The following RIMS1 variants were observed in gnomAD, a reference collection of about 807,000 sequenced individuals.
The protein encoded by RIMS1 is regulating synaptic membrane exocytosis 1.
Under a neutral mutation model 214.1 loss-of-function variants are expected in RIMS1, and 83 were observed. The ratio of observed to expected loss-of-function variants is 0.39; its 90% CI spans 0.32 to 0.47. RIMS1 has a LOEUF of 0.47. Ranked by LOEUF, RIMS1 falls within the 20% of genes least tolerant of loss-of-function variation. The probability of loss-of-function intolerance (pLI) is 0.99; values close to 1 mark genes in which losing one functional copy is unlikely to be tolerated. For missense variants in RIMS1, 2,050 were observed against 2,161.8 expected (o/e 0.95, Z 1.03); for synonymous variants, 793 against 786.8 (o/e 1.01, Z -0.13).
intron 4 of RIMS1, among the ~76,000 whole-genome samples, chr6:72,120,838 A>T (rs900400604): frequency 6.6e-6 from 1 of 151,932 alleles, no homozygotes; most frequent in African/African-American, 2.4e-5. Flanking sequence ...ATAAGGTTTA[A>T]GGAAGGGATG....
At chr6:72,228,313 C>A (rs1392749960) in intron 6 of RIMS1, among the ~76,000 whole-genome samples, 1 of 151,826 alleles carries the variant, frequency 6.6e-6, no homozygotes, top group Non-Finnish European at 1.5e-5. Context: ...CCCCGTTTCC[C>A]CTGTTCCCCA....
At chr6:72,128,249 A>G (rs759985298) in intron 4 of RIMS1, among the ~76,000 whole-genome samples, 4 of 152,162 alleles carry the variant, frequency 2.6e-5, no homozygotes, top group Non-Finnish European at 5.9e-5. Context: ...CTTAAAAAAG[A>G]TGTACATACA....
intron 17 of RIMS1, 117 bp from the exon 18 acceptor site, chr6:72,258,869 T>C: frequency 1.0e-6 from 1 of 976,384 alleles, no homozygotes; most frequent in South Asian, 1.4e-5. Context: ...TTGATTATGA[T>C]GCAAATACTT....
At chr6:71,929,717 A>C (rs1782507406) in intron 1 of RIMS1, among the ~76,000 whole-genome samples, 5 of 152,012 alleles carry the variant, frequency 3.3e-5, no homozygotes, top group South Asian at 2.1e-4. Context: ...AATTATAAAA[A>C]AACATTTTTC....
intron 4 of RIMS1, among the ~76,000 whole-genome samples, chr6:72,108,918 T>C (rs1053245402): frequency 6.8e-6 from 1 of 146,522 alleles, no homozygotes; most frequent in African/African-American, 2.5e-5. Context: ...TTCTCATTGT[T>C]CAGTTCCTAC....
At chr6:72,088,889 A>G (rs140104397) in intron 2 of RIMS1, among the ~76,000 whole-genome samples, 2 of 151,820 alleles carry the variant, frequency 1.3e-5, no homozygotes, top group East Asian at 3.9e-4. Context: ...GATGAAGAAA[A>G]AGAAAGGGAG....
rs377515304 is a variant in RIMS1, at chr6:72,202,277, C to G, written c.1678+19128C>G. 5.3e-5 allele frequency among the ~76,000 whole-genome samples: 8 copies of G among 152,272 alleles called. No homozygotes were observed. The East Asian group carries it at 1.5e-3, about 29-fold the overall frequency. On this transcript the variant is annotated intron_variant, in intron 6 of 33. Transcript: ENST00000521978. ...AACAGGAATTTATTTTCTCATAGTT[C>G]TGGAGGCTGGAAGTCTGAGATCAGG...
rs2098830851 is a variant in RIMS1, at chr6:72,400,798, G to C, written c.*84G>C. The C allele has an allele frequency of 9.1e-7, 1 of 1,104,876 alleles. No homozygotes were observed. Among genetic ancestry groups the C allele is most frequent in the Non-Finnish European group, 1.3e-6 (1 of 758,874 alleles). 68.4% of individuals were successfully genotyped at this position (1,104,876 alleles called of 1,614,324 possible). ...CAGATATTTCATGATCGAAAGCATTGTTGGAGACAGACAATCAACTTGTGT... is the reference window on the plus strand; with the variant it reads ...CAGATATTTCATGATCGAAAGCATTCTTGGAGACAGACAATCAACTTGTGT... On this transcript the variant is annotated 3_prime_UTR_variant, in exon 34 of 34. Coordinates refer to ENST00000521978, the MANE Select transcript of RIMS1 (RefSeq NM_014989.7).
intron 26 of RIMS1, among the ~76,000 whole-genome samples, chr6:72,297,492 C>T (rs1474315198): frequency 6.6e-6 from 1 of 151,926 alleles, no homozygotes; most frequent in Non-Finnish European, 1.5e-5. Context: ...TAAAACAAAA[C>T]AAAATCCATA....
chr6:71,982,847 G>C (rs1798842349), intron 2 of RIMS1, among the ~76,000 whole-genome samples: 2 of 151,990 alleles, frequency 1.3e-5, no homozygotes, highest in Admixed American at 1.3e-4. Context: ...CTCTCTGAAG[G>C]CCTTTAGGTC....
At chr6:72,312,296 A>T (rs910896724) in intron 27 of RIMS1, among the ~76,000 whole-genome samples, 7 of 152,130 alleles carry the variant, frequency 4.6e-5, no homozygotes, top group Non-Finnish European at 2.9e-5. Flanking sequence ...ACAAACACCC[A>T]TATGTTATTT....
chr6:72,096,183 A>G (rs2031589444), intron 2 of RIMS1, among the ~76,000 whole-genome samples: 1 of 152,226 alleles, frequency 6.6e-6, no homozygotes, highest in African/African-American at 2.4e-5. Flanking sequence ...GGTTGCTAGC[A>G]AGCTTCATAC....
intron 7 of RIMS1, among the ~76,000 whole-genome samples, chr6:72,234,800 C>T (rs1196884854): frequency 1.3e-5 from 2 of 151,956 alleles, no homozygotes; most frequent in African/African-American, 4.8e-5. Context: ...TCCAGAATGT[C>T]ACATGGTTAG....
chr6:72,378,182 A>T (rs1383135909), intron 29 of RIMS1, among the ~76,000 whole-genome samples: 1 of 152,200 alleles, frequency 6.6e-6, no homozygotes, highest in African/African-American at 2.4e-5. Context: ...CATATGCCAC[A>T]TCTCTCCTAG....
chr6:71,969,556 C>A (rs536532808), intron 2 of RIMS1, among the ~76,000 whole-genome samples: 11 of 152,244 alleles, frequency 7.2e-5, no homozygotes, highest in African/African-American at 2.4e-4. Context: ...TGCCCGTAAT[C>A]CCAGCACTTT....
intron 4 of RIMS1, among the ~76,000 whole-genome samples, chr6:72,171,799 G>C (rs1319409011): frequency 6.6e-6 from 1 of 152,124 alleles, no homozygotes; most frequent in African/African-American, 2.4e-5. Context: ...GGTTATCTAT[G>C]AAAAGAAATG....
At chr6:71,919,456 A>T (rs532065871) in intron 1 of RIMS1, among the ~76,000 whole-genome samples, 79 of 152,150 alleles carry the variant, frequency 5.2e-4, no homozygotes, top group African/African-American at 1.7e-3. Flanking sequence ...GTTTTGGCAT[A>T]TTGAAATGCC....
At chr6:72,233,866 G>C (rs768873472) in intron 7 of RIMS1, 26 bp downstream of exon 7, 2 of 1,470,332 alleles carry the variant, frequency 1.4e-6, no homozygotes, top group South Asian at 2.4e-5. Context: ...AGTGTGTTTG[G>C]AGTTTAGGGA....
At chr6:72,380,919 ATTAT>A (rs940056352) in intron 29 of RIMS1, among the ~76,000 whole-genome samples, 3 of 152,188 alleles carry the variant, frequency 2.0e-5, no homozygotes, top group African/African-American at 7.2e-5. Context: ...AATTTAGGTG[ATTAT>A]TTATCCCCAC....
Sources: allele counts gnomAD v4.1 joint callset (sites outside exome capture counted in the v4.1 genomes callset), GRCh38; gene constraint gnomAD v4.1.1; transcripts MANE v1.5; gene names NCBI Gene and HGNC (gene_info 2026-07-23, HGNC 2026-07-21).